The following CAB39L variants were observed in gnomAD, a reference collection of about 807,000 sequenced individuals.
The protein encoded by CAB39L is calcium-binding protein 39-like.
CAB39L carries 23 observed loss-of-function variants against 39.1 expected under a neutral mutation model. That is an observed-to-expected ratio of 0.59 (90% CI 0.42 to 0.83). The LOEUF is 0.83. CAB39L is among the 40% of genes least tolerant of loss of function. The probability of loss-of-function intolerance (pLI) is 0.00; values close to 1 mark genes in which losing one functional copy is unlikely to be tolerated. For synonymous variants in CAB39L, 126 were observed against 137.2 expected, an observed-to-expected ratio of 0.92 and a Z score of 0.57; for missense variants, 366 against 391.9, an observed-to-expected ratio of 0.93 and a Z score of 0.56.
rs754442957 is a variant in CAB39L, at chr13:49,389,028, T to C, written c.-31-6087A>G. On this transcript the variant is annotated intron_variant, in intron 3 of 10. Transcript: ENST00000409308. The stretch of plus-strand genomic sequence containing the variant: ...CTGGATGCAGCAACTAGCTAGTAAA[T>C]AGATTGTGACATAGCCAATCAAAAT... 4.6e-5 allele frequency among the ~76,000 whole-genome samples: 7 copies of C among 152,060 alleles called. No homozygotes were observed. The East Asian group carries it at 5.8e-4, about 13-fold the overall frequency.
In CAB39L at chr13:49,308,871, G is replaced by C. The variant is rs1349722415; in HGVS notation, c.*1943C>G. 6.6e-6 allele frequency: 1 copy of C among 152,344 alleles called. No individual in the cohort carries two copies. Among genetic ancestry groups the C allele is most frequent in the African/African-American group, 2.4e-5 (1 of 41,404 alleles). The allele number at this position is 152,344 out of a possible 1,614,324, so 9.4% of individuals were successfully genotyped here. The stretch of plus-strand genomic sequence containing the variant: ...CCAGACTCTAGTTTTCTGTTTGAAA[G>C]GTACTGAGCTGGGATAATGGGTTGC... On this transcript the variant is annotated 3_prime_UTR_variant, in exon 11 of 11. Coordinates refer to ENST00000409308, the MANE Select transcript of CAB39L (RefSeq NM_001079670.3).
intron 10 of CAB39L, among the ~76,000 whole-genome samples, chr13:49,312,428 G>C (rs1954022658): frequency 6.6e-6 from 1 of 152,092 alleles, no homozygotes; most frequent in Non-Finnish European, 1.5e-5. Context: ...TCTTGTTACT[G>C]TATCTTTTCT....
intron 7 of CAB39L, among the ~76,000 whole-genome samples, chr13:49,349,911 C>A (rs901144337): frequency 6.6e-6 from 1 of 152,160 alleles, no homozygotes; most frequent in Non-Finnish European, 1.5e-5. Context: ...TAACATCACT[C>A]ATTAGATGAC....
intron 1 of CAB39L, among the ~76,000 whole-genome samples, chr13:49,439,432 C>T (rs1200666040): frequency 6.6e-6 from 1 of 152,168 alleles, no homozygotes; most frequent in Non-Finnish European, 1.5e-5. Context: ...GTTAGTTTTT[C>T]AACACTTATT....
chr13:49,430,220 C>T (rs1200766061), intron 3 of CAB39L, among the ~76,000 whole-genome samples: 1 of 152,028 alleles, frequency 6.6e-6, no homozygotes. Flanking sequence ...CTAAAGATGC[C>T]CTTTTGCATG....
chr13:49,352,724 A>G (rs1190624538), intron 6 of CAB39L, among the ~76,000 whole-genome samples: 1 of 152,220 alleles, frequency 6.6e-6, no homozygotes, highest in Non-Finnish European at 1.5e-5. Context: ...TGGAAAGTTA[A>G]GCGAGACTCT....
intron 10 of CAB39L, among the ~76,000 whole-genome samples, chr13:49,321,695 G>C (rs952035089): frequency 6.6e-5 from 10 of 152,210 alleles, no homozygotes; most frequent in African/African-American, 2.4e-4. Flanking sequence ...GGGCAAGGAG[G>C]GGAAAAGGGG....
At chr13:49,400,590 T>C (rs1956748942) in intron 3 of CAB39L, among the ~76,000 whole-genome samples, 1 of 152,088 alleles carries the variant, frequency 6.6e-6, no homozygotes, top group East Asian at 1.9e-4. Flanking sequence ...AATGCATTCA[T>C]TCATTTTACA....
intron 6 of CAB39L, chr13:49,351,117 T>TA (rs1203911500): frequency 4.6e-5 from 18 of 388,622 alleles, no homozygotes; most frequent in African/African-American, 3.7e-4. Flanking sequence ...CTGAAACACT[T>TA]AGATATACTC....
chr13:49,432,640 CATTCCTCCATGGAGG>C (rs1287102040), intron 3 of CAB39L, among the ~76,000 whole-genome samples: 1 of 152,182 alleles, frequency 6.6e-6, no homozygotes, highest in Non-Finnish European at 1.5e-5. Flanking sequence ...ATTGATCGTA[CATTCCTCCATGGAGG>C]ATTTTTTTAT....
intron 3 of CAB39L, among the ~76,000 whole-genome samples, chr13:49,426,192 C>T (rs894957953): frequency 3.3e-5 from 5 of 152,116 alleles, no homozygotes; most frequent in South Asian, 2.1e-4. Flanking sequence ...TTCTTGGACG[C>T]GCTATTGTTT....
chr13:49,426,864 T>G (rs1957253252), intron 3 of CAB39L, among the ~76,000 whole-genome samples: 1 of 152,228 alleles, frequency 6.6e-6, no homozygotes, highest in South Asian at 2.1e-4. Flanking sequence ...TCATCTGTTT[T>G]TTGCTGCAGG....
At position 49,379,072 on chromosome 13, in the gene CAB39L, G is replaced by A. The variant is rs1167774881; in HGVS notation, c.112-1941C>T. The stretch of plus-strand genomic sequence containing the variant: ...GCTGCCCCGTCCGAGAGGGAGGTGG[G>A]GGGGGTCAGCCCCCCCGCCCGGCCA... On this transcript the variant is annotated intron_variant, in intron 4 of 10. Transcript: ENST00000409308. 7.4e-5 allele frequency among the ~76,000 whole-genome samples: 4 copies of A among 54,092 alleles called. 1 individual carries two copies. The highest frequency in any genetic ancestry group is 5.6e-4 in the Admixed American group (4 of 7,194). The allele number at this position is 54,092 out of a possible 152,430, so 35.5% of individuals were successfully genotyped here. A position where few individuals can be genotyped will look rare whatever the true frequency, so the allele number is the denominator to read the frequency against.
At chr13:49,395,183 C>T (rs759864906) in intron 3 of CAB39L, among the ~76,000 whole-genome samples, 11 of 150,604 alleles carry the variant, frequency 7.3e-5, no homozygotes, top group Non-Finnish European at 1.5e-4. Context: ...AAACAAATAA[C>T]CTTTTTTTTT....
intron 7 of CAB39L, among the ~76,000 whole-genome samples, chr13:49,350,495 G>C (rs553160014): frequency 3.9e-5 from 6 of 152,136 alleles, no homozygotes; most frequent in African/African-American, 1.2e-4. Flanking sequence ...CCTTTCCCAC[G>C]TAACTGTATA....
At position 49,379,722 on chromosome 13, in the gene CAB39L, C is replaced by A. The variant is rs1363105022; in HGVS notation, c.112-2591G>T. On this transcript the variant is annotated intron_variant, in intron 4 of 10. Transcript: ENST00000409308. ...AAATAAATTTAAAAAAAAAAAAAAA[C>A]AAAAAAACAAAAACAGTAAGCACTG... Among the ~76,000 whole-genome samples, 1,026 of 145,280 alleles carry A rather than the reference C, an allele frequency of 7.1e-3. 262 individuals are homozygous for A. The highest frequency in any genetic ancestry group is 0.012 in the Non-Finnish European group (804 of 65,638).
chr13:49,334,511 A>C (rs1464868505), intron 9 of CAB39L, among the ~76,000 whole-genome samples: 2 of 152,158 alleles, frequency 1.3e-5, no homozygotes, highest in Non-Finnish European at 2.9e-5. Context: ...TGCCTGTTCA[A>C]ACCTGGCCCA....
At chr13:49,399,810 G>A (rs1323857855) in intron 3 of CAB39L, among the ~76,000 whole-genome samples, 1 of 152,056 alleles carries the variant, frequency 6.6e-6, no homozygotes, top group Non-Finnish European at 1.5e-5. Flanking sequence ...ACCAGTCTAA[G>A]AAGGACTGAG....
At chr13:49,409,684 A>G (rs947332903) in intron 3 of CAB39L, among the ~76,000 whole-genome samples, 3 of 152,114 alleles carry the variant, frequency 2.0e-5, no homozygotes, top group Non-Finnish European at 1.5e-5. Flanking sequence ...GTTTACTTCA[A>G]TTTTCTCAGA....
Sources: allele counts gnomAD v4.1 joint callset (sites outside exome capture counted in the v4.1 genomes callset), GRCh38; gene constraint gnomAD v4.1.1; transcripts MANE v1.5; gene names NCBI Gene and HGNC (gene_info 2026-07-23, HGNC 2026-07-21).